GSE1: variants seen among roughly 807,000 people sequenced by gnomAD.
GSE1 encodes the protein Gse1 coiled-coil protein.
GSE1 carries 32 observed loss-of-function variants against 112.6 expected under a neutral mutation model. That is an observed-to-expected ratio of 0.28 (90% CI 0.21 to 0.38). GSE1 has a LOEUF of 0.38. GSE1 is among the 10% of genes least tolerant of loss of function. The probability of loss-of-function intolerance (pLI) is 1.00; values close to 1 mark genes in which losing one functional copy is unlikely to be tolerated. For synonymous variants in GSE1, 1,115 were observed against 735.6 expected, an observed-to-expected ratio of 1.52 and a Z score of -8.35; for missense variants, 2,348 against 1,699.2, an observed-to-expected ratio of 1.38 and a Z score of -6.71.
chr16:85,498,629 C>T (rs1216796047), intron 2 of GSE1, among the ~76,000 whole-genome samples: 1 of 152,224 alleles, frequency 6.6e-6, no homozygotes, highest in Admixed American at 6.5e-5. Context: ...CACATCCACA[C>T]ATGCGCACCT....
chr16:85,179,424 C>T (rs2074536133), intron 1 of GSE1, among the ~76,000 whole-genome samples: 1 of 152,154 alleles, frequency 6.6e-6, no homozygotes, highest in Non-Finnish European at 1.5e-5. Flanking sequence ...CGGCTTGTTT[C>T]TGCTTTTTGG....
Position 85,517,314 on chromosome 16 carries a change from T to C in GSE1, c.2465-116600T>C, listed in dbSNP as rs551173029. On this transcript the variant is annotated intron_variant, in intron 2 of 2. Coordinates refer to the GSE1 transcript ENST00000637419. ...TAGGTTCTAGCACAGCCATGTGTCC[T>C]TGGTCCTGCTGCTTAACCTCCCCGT... is the stretch of plus-strand genomic sequence containing the variant. Among the ~76,000 whole-genome samples the C allele has an allele frequency of 2.1e-4, 32 of 152,326 alleles. No homozygotes were observed. In the South Asian group the frequency reaches 6.2e-3, roughly 30 times the overall value.
chr16:85,586,765 G>A lies in GSE1; in HGVS notation c.37+30402G>A, dbSNP rs912669718. ...ATGGAGGGCCTCTTTCTCCTGGGCTGCAGGAAACCCCGGAGCCGGTGGGCT... is the reference window on the plus strand; with the variant it reads ...ATGGAGGGCCTCTTTCTCCTGGGCTACAGGAAACCCCGGAGCCGGTGGGCT... On this transcript the variant is annotated intron_variant, in intron 1 of 2. Transcript: ENST00000635906. Among the ~76,000 whole-genome samples, 4 of 152,226 alleles carry A rather than the reference G, an allele frequency of 2.6e-5. 1 individual carries two copies. The highest frequency in any genetic ancestry group is 9.7e-5 in the African/African-American group (4 of 41,444).
chr16:85,344,357 G>A (rs2046688165), intron 1 of GSE1, among the ~76,000 whole-genome samples: 2 of 152,128 alleles, frequency 1.3e-5, no homozygotes, highest in South Asian at 2.1e-4. Context: ...GCTTTTGCCC[G>A]GAACCCTGGG....
chr16:85,206,205 G>A (rs576032421), intron 1 of GSE1, among the ~76,000 whole-genome samples: 1 of 152,194 alleles, frequency 6.6e-6, no homozygotes, highest in Admixed American at 6.5e-5. Flanking sequence ...GGGGGCGCAT[G>A]TGCAAAGGGC....
At chr16:85,474,864 C>T (rs7199013) in intron 2 of GSE1, among the ~76,000 whole-genome samples, 134,375 of 151,948 alleles carry the variant, frequency 0.88, 59,827 homozygotes, top group Middle Eastern at 0.95. Context: ...TCATACTTCA[C>T]CCTTCAATCC....
chr16:85,367,499 C>A (rs2047209020), intron 2 of GSE1, among the ~76,000 whole-genome samples: 1 of 152,154 alleles, frequency 6.6e-6, no homozygotes, highest in Non-Finnish European at 1.5e-5. Flanking sequence ...AGGAGTGATG[C>A]CGGGTGGTGA....
At chr16:85,494,465 T>TC (rs2051106818) in intron 2 of GSE1, among the ~76,000 whole-genome samples, 1 of 151,778 alleles carries the variant, frequency 6.6e-6, no homozygotes, top group South Asian at 2.1e-4. Context: ...TTTTTTTTTT[T>TC]TTTCCAAGAC....
intron 14 of GSE1, among the ~76,000 whole-genome samples, chr16:85,669,425 A>T (rs2053147570): frequency 6.6e-6 from 1 of 152,208 alleles, no homozygotes; most frequent in East Asian, 1.9e-4. Flanking sequence ...GGTAGAACTC[A>T]GTCAGGAAAA....
intron 2 of GSE1, among the ~76,000 whole-genome samples, chr16:85,517,642 C>G (rs2051997596): frequency 6.6e-6 from 1 of 152,236 alleles, no homozygotes; most frequent in Non-Finnish European, 1.5e-5. Flanking sequence ...GCCACCACCT[C>G]CAGCCCCGGC....
At position 85,657,343 on chromosome 16, in the gene GSE1, C is replaced by G. The variant is rs1172037242; in HGVS notation, c.1379C>G (p.Thr460Ser). ...CAACACCCCTTGCATCCGGTGCCCA[C>G]CCCACACCACACGGTGCCCAGCCTC... Reference protein sequence around the residue: ...PVQHPLHPVPTPHHTVPSLIS... With the variant: ...PVQHPLHPVPSPHHTVPSLIS... The change falls in exon 8 of 16, where the codon ACC becomes AGC. Residue 460 changes from threonine to serine, a missense_variant. Transcript: ENST00000253458. 2.5e-6 allele frequency: 4 copies of G among 1,610,464 alleles called. No individual in the cohort carries two copies. The highest frequency in any genetic ancestry group is 2.2e-5 in the East Asian group (1 of 44,730).
chr16:85,226,151 G>C (rs9929153), intron 1 of GSE1, among the ~76,000 whole-genome samples: 9 of 152,086 alleles, frequency 5.9e-5, no homozygotes, highest in Non-Finnish European at 1.2e-4. Context: ...ACGTGTCACT[G>C]AGAAGGTAGG....
chr16:85,279,896 G>A (rs16975475), intron 1 of GSE1, among the ~76,000 whole-genome samples: 4,318 of 152,262 alleles, frequency 0.028, 204 homozygotes, highest in African/African-American at 0.097. Context: ...AAACTCCGGC[G>A]GCGTCATTAG....
intron 1 of GSE1, among the ~76,000 whole-genome samples, chr16:85,172,869 A>G (rs2074385129): frequency 6.6e-6 from 1 of 152,220 alleles, no homozygotes; most frequent in South Asian, 2.1e-4. Context: ...ATGTTCACTT[A>G]CAGTGGCTGC....
At chr16:85,277,606 A>G (rs1480725223) in intron 1 of GSE1, among the ~76,000 whole-genome samples, 4 of 152,162 alleles carry the variant, frequency 2.6e-5, no homozygotes, top group Non-Finnish European at 5.9e-5. Context: ...CAGGTGCCTC[A>G]TCCAGCCCAA....
rs1322021786 is a variant in GSE1 at position 85,648,793 on chromosome 16, G to A, written c.426+42G>A. ...AGGGAGCCTAGCGTCCTCTAAGTGG[G>A]GAGGCTGGATTCAGGCATCCATTGG... On this transcript the variant is annotated intron_variant, in intron 3 of 15. Coordinates refer to ENST00000253458, the MANE Select transcript of GSE1 (RefSeq NM_014615.5). The A allele has an allele frequency of 4.0e-6, 5 of 1,244,332 alleles. No individual in the cohort carries two copies. In the African/African-American group the frequency reaches 4.6e-5, roughly 11 times the overall value. 77.1% of individuals were successfully genotyped at this position (1,244,332 alleles called of 1,614,324 possible).
At position 85,668,370 on chromosome 16, in the gene GSE1, C is replaced by A; in HGVS notation, c.3361C>A (p.Arg1121Ser). The change falls in exon 14 of 16, where the codon CGC becomes AGC. Residue 1121 changes from arginine (R) to serine (S), a missense_variant. Physicochemically the swap from Arg to Ser is moderately radical, Grantham distance 110. Transcript: ENST00000253458. Reference protein sequence around the residue: ...DGEDEEEVPKRKWQGIEAVFE... With the variant: ...DGEDEEEVPKSKWQGIEAVFE... The stretch of plus-strand genomic sequence containing the variant: ...AGAAGATGAGGAGGAAGTCCCCAAG[C>A]GCAAGTGGCAAGGGATCGAGGCCGT... 1 of 1,613,062 alleles carries A rather than the reference C, an allele frequency of 6.2e-7. No homozygotes were observed. The highest frequency in any genetic ancestry group is 8.5e-7 in the Non-Finnish European group (1 of 1,179,774).
chr16:85,193,885 A>G (rs960080245), intron 1 of GSE1, among the ~76,000 whole-genome samples: 8 of 152,320 alleles, frequency 5.3e-5, no homozygotes, highest in Middle Eastern at 3.4e-3. Flanking sequence ...CTATAGTACA[A>G]TGCCACAGTC....
intron 3 of GSE1, 83 bp downstream of exon 3, chr16:85,648,834 C>G (rs78033391): frequency 2.6e-6 from 2 of 771,414 alleles, no homozygotes; most frequent in African/African-American, 1.8e-5. Context: ...CTGGAGCTTT[C>G]GAGGTTGAGT....
Sources: gnomAD v4.1 joint callset for allele counts (sites outside exome capture counted in the v4.1 genomes callset) on GRCh38, gnomAD v4.1.1 for gene constraint, MANE v1.5 for transcripts, NCBI Gene and HGNC (gene_info 2026-07-23, HGNC 2026-07-21) for gene names.